The following TOX4 variants were observed in gnomAD, a reference collection of about 807,000 sequenced individuals.
The protein encoded by TOX4 is epidermal Langerhans cell protein LCP1.
A neutral mutation model predicts 61.0 loss-of-function variants in TOX4; 12 were observed. That is an observed-to-expected ratio of 0.20 (90% CI 0.13 to 0.32). The LOEUF (loss-of-function observed/expected upper bound fraction) is 0.32. Among genes scored for constraint, TOX4 ranks in the 10% least tolerant of loss-of-function variants. The pLI is 1.00. For synonymous variants in TOX4, 268 were observed against 274.8 expected (o/e 0.98, Z 0.24); for missense variants, 499 against 753.3 (o/e 0.66, Z 3.95).
chr14:21,491,302 C>G (rs1594429986), intron 5 of TOX4, among the ~76,000 whole-genome samples: 1 of 152,136 alleles, frequency 6.6e-6, no homozygotes, highest in Non-Finnish European at 1.5e-5. Context: ...GGAAAATATA[C>G]TGGTTAGACA....
chr14:21,488,926 G>A, intron 4 of TOX4, 76 bp downstream of exon 4: 5 of 1,572,362 alleles, frequency 3.2e-6, no homozygotes, highest in Non-Finnish European at 4.3e-6. Context: ...AGCCTAATCA[G>A]TATTCTTTAC....
In TOX4 at chr14:21,498,574, T is replaced by C; in HGVS notation, c.*1968T>C. 1.7e-6 allele frequency: 1 copy of C among 595,212 alleles called. No individual in the cohort carries two copies. The highest frequency in any genetic ancestry group is 2.9e-6 in the Non-Finnish European group (1 of 340,890). 36.9% of individuals were successfully genotyped at this position (595,212 alleles called of 1,614,324 possible). A position where few individuals can be genotyped will look rare whatever the true frequency, so the allele number is the denominator to read the frequency against. Reference sequence around the variant, plus strand: ...CTGGTGTTAAAATAGACTGGATCTGTATTATCTGAGGGTTAGTAACTAATG... The same window carrying C: ...CTGGTGTTAAAATAGACTGGATCTGCATTATCTGAGGGTTAGTAACTAATG... On this transcript the variant is annotated 3_prime_UTR_variant, in exon 9 of 9. Coordinates refer to ENST00000448790, the MANE Select transcript of TOX4 (RefSeq NM_014828.4).
rs535638953 is a variant in TOX4, at chr14:21,496,749, A to T, written c.*143A>T. 3 of 680,684 alleles carry T rather than the reference A, an allele frequency of 4.4e-6. No homozygotes were observed. The African/African-American group carries it at 5.4e-5, about 12-fold the overall frequency. 42.2% of individuals were successfully genotyped at this position (680,684 alleles called of 1,614,324 possible). A position where few individuals can be genotyped will look rare whatever the true frequency, so the allele number is the denominator to read the frequency against. On this transcript the variant is annotated 3_prime_UTR_variant, in exon 9 of 9. Transcript: ENST00000448790. ...CATGTTTCACCCCTTTTCTTCCTTC[A>T]GCAGAGGCCAGGCTATGGAGCAGGG...
At chr14:21,480,875 G>A (rs1412029579) in intron 2 of TOX4, among the ~76,000 whole-genome samples, 1 of 152,176 alleles carries the variant, frequency 6.6e-6, no homozygotes, top group African/African-American at 2.4e-5. Flanking sequence ...TGGATCACCT[G>A]AGGTCGGGAG....
chr14:21,493,397 T>C (rs961043272), intron 7 of TOX4, 140 bp downstream of exon 7: 3 of 782,944 alleles, frequency 3.8e-6, no homozygotes, highest in Non-Finnish European at 1.8e-6. Context: ...TGGGAGTTCC[T>C]TGCAGCAGTT....
In TOX4 at chr14:21,487,564, A is replaced by C. The variant is rs1594427418; in HGVS notation, c.189A>C (p.Ala63=). 6.2e-7 allele frequency: 1 copy of C among 1,614,224 alleles called. No individual in the cohort carries two copies. The highest frequency in any genetic ancestry group is 2.2e-5 in the East Asian group (1 of 44,888). Residue 63 remains alanine (A), a synonymous_variant, in exon 3 of 9, where the codon GCA becomes GCC. Coordinates refer to ENST00000448790, the MANE Select transcript of TOX4 (RefSeq NM_014828.4). The part of the protein sequence containing the change: ...SDVVGHFDDL[A]DPSSSQDGSF... ...TGGTTGGCCACTTTGATGACCTGGCAGACCCTTCCTCTTCACAGGATGGCA... is the reference window on the plus strand; with the variant it reads ...TGGTTGGCCACTTTGATGACCTGGCCGACCCTTCCTCTTCACAGGATGGCA...
chr14:21,487,847 A>G, intron 3 of TOX4, 154 bp downstream of exon 3: 1 of 807,426 alleles, frequency 1.2e-6, no homozygotes, highest in South Asian at 4.4e-5. Flanking sequence ...ACCTGAATAA[A>G]TGAAATTTAC....
At position 21,492,657 on chromosome 14, in the gene TOX4, T is replaced by G. The variant is rs1060722; in HGVS notation, c.1041T>G (p.Leu347=). 1 of 1,613,402 alleles carries G rather than the reference T, an allele frequency of 6.2e-7. No individual in the cohort carries two copies. The highest frequency in any genetic ancestry group is 1.1e-5 in the South Asian group (1 of 91,064). Residue 347 remains leucine, a synonymous_variant, in exon 7 of 9, where the codon CTT becomes CTG. Transcript: ENST00000448790. ...CATCCATTGTTGTTAACTCCACCCT[T>G]TCATCCTATGTGGCAAACCAGGCAT... ...LSPSIVVNST[L]SSYVANQASS...
chr14:21,498,607 A>G lies in TOX4; in HGVS notation c.*2001A>G. 1 of 549,078 alleles carries G rather than the reference A, an allele frequency of 1.8e-6. No individual in the cohort carries two copies. The highest frequency in any genetic ancestry group is 3.0e-5 in the East Asian group (1 of 33,086). The allele number at this position is 549,078 out of a possible 1,614,324, so 34.0% of individuals were successfully genotyped here. On this transcript the variant is annotated 3_prime_UTR_variant, in exon 9 of 9. Transcript: ENST00000448790. The stretch of plus-strand genomic sequence containing the variant: ...GAGGGTTAGTAACTAATGCTTAGCC[A>G]GGCCTGCTTCACAGAGTTGCTACCA...
At position 21,493,120 on chromosome 14, in the gene TOX4, A is replaced by G; in HGVS notation, c.1504A>G (p.Lys502Glu). 3.7e-6 allele frequency: 6 copies of G among 1,613,730 alleles called. No homozygotes were observed. The highest frequency in any genetic ancestry group is 5.1e-6 in the Non-Finnish European group (6 of 1,180,012). The change falls in exon 7 of 9, where the codon AAA becomes GAA. Residue 502 changes from lysine to glutamate, a missense_variant. Lys to Glu is a moderately conservative substitution (Grantham distance 56). Transcript: ENST00000448790. ...CAAGAGTGTGCCTCTACCCACTTTG[A>G]AAATGCAGACTACCTTAGTCCCACC... The part of the protein sequence containing the change: ...QIKSVPLPTL[K>E]MQTTLVPPTV...
intron 2 of TOX4, 33 bp downstream of exon 2, chr14:21,477,597 G>A: frequency 6.2e-7 from 1 of 1,611,656 alleles, no homozygotes; most frequent in Non-Finnish European, 8.5e-7. Context: ...GCGGGGGTAG[G>A]GCCTGAGGCA....
At chr14:21,496,476 A>AC in intron 8 of TOX4, 70 bp from the exon 9 acceptor site, 1 of 1,441,972 alleles carries the variant, frequency 6.9e-7, no homozygotes, top group African/African-American at 1.4e-5. Context: ...AAAAAAAAAA[A>AC]TGTATCTAGG....
intron 3 of TOX4, chr14:21,487,937 G>T: frequency 2.5e-6 from 1 of 401,308 alleles, no homozygotes; most frequent in South Asian, 8.2e-5. Context: ...TGGTTTTTGG[G>T]AAAAAGTGTT....
chr14:21,494,622 C>T (rs1399975912), intron 7 of TOX4, among the ~76,000 whole-genome samples: 3 of 152,052 alleles, frequency 2.0e-5, no homozygotes, highest in Non-Finnish European at 4.4e-5. Context: ...TGGTGGCAGG[C>T]GCCTGTAGTC....
Position 21,496,531 on chromosome 14 carries a change from C to CT in TOX4, c.1806-10dup. 6.2e-7 allele frequency: 1 copy of CT among 1,608,928 alleles called. No homozygotes were observed. Among genetic ancestry groups the CT allele is most frequent in the Non-Finnish European group, 8.5e-7 (1 of 1,176,044 alleles). On this transcript the variant is annotated splice_polypyrimidine_tract_variant and intron_variant, in intron 8 of 8. Transcript: ENST00000448790. ...TGTGTATAATTCTGTTTGTGTATGT[C>CT]TTTTTCTCTCTTAGGGATGTATTCT... is the stretch of plus-strand genomic sequence containing the variant.
rs1737892289 is a variant in TOX4, at chr14:21,498,119, G to A, written c.*1513G>A. On this transcript the variant is annotated 3_prime_UTR_variant, in exon 9 of 9. Transcript: ENST00000448790. ...AGATTATACACTGTTAAGTAGCAGA[G>A]CCAGAATGGACTTCAGAATCCCAAC... 8.0e-6 allele frequency: 5 copies of A among 623,100 alleles called. No homozygotes were observed. Among genetic ancestry groups the A allele is most frequent in the Non-Finnish European group, 1.1e-5 (4 of 353,046 alleles). 38.6% of individuals were successfully genotyped at this position (623,100 alleles called of 1,614,324 possible).
rs1435422696 is a variant in TOX4, at chr14:21,498,941, A to T, written c.*2335A>T. On this transcript the variant is annotated 3_prime_UTR_variant, in exon 9 of 9. Transcript: ENST00000448790. ...TGAAGCTCATTTATGGACTAGTGTA[A>T]AACAATGTGAAGCTCTACTAAGTTC... is the stretch of plus-strand genomic sequence containing the variant. 1 of 932,898 alleles carries T rather than the reference A, an allele frequency of 1.1e-6. No individual in the cohort carries two copies. The highest frequency in any genetic ancestry group is 1.7e-6 in the Non-Finnish European group (1 of 575,012). 57.8% of individuals were successfully genotyped at this position (932,898 alleles called of 1,614,324 possible). A position where few individuals can be genotyped will look rare whatever the true frequency, so the allele number is the denominator to read the frequency against.
rs193106251 is a variant in TOX4, at chr14:21,482,675, C to T, written c.76-4776C>T. On this transcript the variant is annotated intron_variant, in intron 2 of 8. Transcript: ENST00000448790. Reference sequence around the variant, plus strand: ...CCAAACCACTTCTTTTTAATATTTGCTTCAGTTTTAGTTTTGTTTTATATT... The same window carrying T: ...CCAAACCACTTCTTTTTAATATTTGTTTCAGTTTTAGTTTTGTTTTATATT... 1.8e-3 allele frequency: 807 copies of T among 438,294 alleles called. 2 individuals carry two copies. The highest frequency in any genetic ancestry group is 2.4e-3 in the Non-Finnish European group (511 of 215,514). 27.2% of individuals were successfully genotyped at this position (438,294 alleles called of 1,614,324 possible).
chr14:21,480,900 G>A (rs1239145751), intron 2 of TOX4, among the ~76,000 whole-genome samples: 1 of 152,120 alleles, frequency 6.6e-6, no homozygotes, highest in Non-Finnish European at 1.5e-5. Flanking sequence ...AGACCAGCCT[G>A]AGCAACATGG....
Sources: gnomAD v4.1 joint callset for allele counts (sites outside exome capture counted in the v4.1 genomes callset) on GRCh38, gnomAD v4.1.1 for gene constraint, MANE v1.5 for transcripts, NCBI Gene and HGNC (gene_info 2026-07-23, HGNC 2026-07-21) for gene names.